The following DNAH12 variants were observed in gnomAD, a reference collection of about 807,000 sequenced individuals.
DNAH12 encodes axonemal beta dynein heavy chain 12.
DNAH12 carries 285 observed loss-of-function variants against 371.5 expected under a neutral mutation model. The ratio of observed to expected loss-of-function variants is 0.77; its 90% CI spans 0.70 to 0.85. DNAH12 has a LOEUF of 0.85. Ranked by LOEUF, DNAH12 falls within the 40% of genes least tolerant of loss-of-function variation. The probability of loss-of-function intolerance (pLI) is 0.00; values close to 1 mark genes in which losing one functional copy is unlikely to be tolerated. For synonymous variants in DNAH12, 1,200 were observed against 1,213.0 expected (o/e 0.99, Z 0.22); for missense variants, 3,611 against 3,689.4 (o/e 0.98, Z 0.55).
chr3:57,552,531 GC>G, the DNAH12 span, among the ~76,000 whole-genome samples: 2 of 149,492 alleles, frequency 1.3e-5, no homozygotes, highest in African/African-American at 4.9e-5. Context: ...CTTATGGAAA[GC>G]AAAACTAGCC....
At chr3:57,537,782 T>G (rs1411182122) in intron 2 of DNAH12, among the ~76,000 whole-genome samples, 1 of 151,746 alleles carries the variant, frequency 6.6e-6, no homozygotes. Flanking sequence ...CCTCCAGGGT[T>G]CAAGTGATTC....
rs756733435 is a variant in DNAH12 at position 57,310,741 on chromosome 3, A to T, written c.10872T>A (p.Tyr3624Ter). The part of the protein sequence containing the change: ...GNYFAPPKGT[Y>*]EDYIEFIKKL... ...CCTTAATGAATTCAATGTAGTCCTC[A>T]TAAGTGCCTTTAGGAGGTGCAAAAT... Residue 3624 changes from tyrosine to a stop codon, truncating the protein, a stop_gained, in exon 67 of 74, where the codon TAT (tyrosine) becomes TAA (stop). Coordinates refer to ENST00000495027, the MANE Select transcript of DNAH12 (RefSeq NM_001366028.2). LOFTEE classifies it high-confidence loss of function. 4.5e-6 allele frequency: 7 copies of T among 1,550,972 alleles called. No homozygotes were observed. In the South Asian group the frequency reaches 8.3e-5, roughly 18 times the overall value.
At chr3:57,354,868 T>A (rs1288379139) in intron 59 of DNAH12, among the ~76,000 whole-genome samples, 11 of 152,112 alleles carry the variant, frequency 7.2e-5, no homozygotes, top group African/African-American at 2.7e-4. Context: ...AAAAAGCCAA[T>A]CTCAAAACAT....
At chr3:57,365,247 G>C (rs1238865491) in intron 57 of DNAH12, among the ~76,000 whole-genome samples, 1 of 152,270 alleles carries the variant, frequency 6.6e-6, no homozygotes, top group South Asian at 2.1e-4. Context: ...AGAAAATGTG[G>C]TACATATACA....
chr3:57,493,001 T>C (rs1225932353), intron 11 of DNAH12, among the ~76,000 whole-genome samples: 2 of 89,048 alleles, frequency 2.2e-5, no homozygotes, highest in African/African-American at 5.2e-5. Context: ...CGAAACTCCA[T>C]CTCAAAACAA....
chr3:57,396,290 CAAAAAAA>C lies in DNAH12; in HGVS notation c.6949-1965_6949-1959del, dbSNP rs1159748997. Among the ~76,000 whole-genome samples, 10 of 68,756 alleles carry C rather than the reference CAAAAAAA, an allele frequency of 1.5e-4. No individual in the cohort carries two copies. The East Asian group carries it at 2.2e-3, about 15-fold the overall frequency. 45.1% of individuals were successfully genotyped at this position (68,756 alleles called of 152,430 possible). ...CAAGACTGCATCTCAAAAAAAAAAA[CAAAAAAA>C]AAAAAAAAAAAAAGAGAACCATAAA... On this transcript the variant is annotated intron_variant, in intron 43 of 73. Coordinates refer to ENST00000495027, the MANE Select transcript of DNAH12 (RefSeq NM_001366028.2).
At chr3:57,450,746 G>A (rs762686094) in intron 25 of DNAH12, among the ~76,000 whole-genome samples, 1 of 152,142 alleles carries the variant, frequency 6.6e-6, no homozygotes, top group Non-Finnish European at 1.5e-5. Flanking sequence ...CATAGTTCTT[G>A]CCCACAGGCA....
At chr3:57,376,358 C>T (rs1380379890) in intron 53 of DNAH12, among the ~76,000 whole-genome samples, 6 of 151,910 alleles carry the variant, frequency 3.9e-5, no homozygotes, top group Non-Finnish European at 8.8e-5. Context: ...AATTCATTAC[C>T]AAAAATTACA....
rs373397320 is a variant in DNAH12 at position 57,453,198 on chromosome 3, A to T, written c.3613+49T>A. ...ACATATAGTACAAGTCTTTGTTTCC[A>T]GATGCTATCAACATTTTATCTTTAA... On this transcript the variant is annotated intron_variant, in intron 24 of 73. Transcript: ENST00000495027. 5 of 1,497,652 alleles carry T rather than the reference A, an allele frequency of 3.3e-6. No individual in the cohort carries two copies. The East Asian group carries it at 1.2e-4, about 37-fold the overall frequency. 92.8% of individuals were successfully genotyped at this position (1,497,652 alleles called of 1,614,324 possible). A position where few individuals can be genotyped will look rare whatever the true frequency, so the allele number is the denominator to read the frequency against.
chr3:57,422,571 GGAA>G (rs892749405), intron 35 of DNAH12, among the ~76,000 whole-genome samples: 2 of 152,192 alleles, frequency 1.3e-5, no homozygotes, highest in African/African-American at 4.8e-5. Flanking sequence ...GGAAGGCCAA[GGAA>G]GAAGGATTGC....
At chr3:57,348,918 A>G (rs2062607414) in intron 60 of DNAH12, among the ~76,000 whole-genome samples, 1 of 152,218 alleles carries the variant, frequency 6.6e-6, no homozygotes, top group Non-Finnish European at 1.5e-5. Flanking sequence ...CAAGAATAAG[A>G]AAGACACTCT....
chr3:57,550,345 GAATA>G, the DNAH12 span, among the ~76,000 whole-genome samples: 59 of 151,810 alleles, frequency 3.9e-4, no homozygotes, highest in Non-Finnish European at 5.9e-4. Flanking sequence ...AACAAACAAT[GAATA>G]AATAAATATT....
chr3:57,312,952 ATTAAATGC>A (rs1366444035), intron 66 of DNAH12, among the ~76,000 whole-genome samples: 1 of 152,224 alleles, frequency 6.6e-6, no homozygotes, highest in Non-Finnish European at 1.5e-5. Flanking sequence ...TGTAAATATG[ATTAAATGC>A]TTATAGCCTT....
At chr3:57,328,498 CA>C (rs1246789588) in intron 62 of DNAH12, among the ~76,000 whole-genome samples, 3 of 148,464 alleles carry the variant, frequency 2.0e-5, no homozygotes, top group Non-Finnish European at 3.0e-5. Context: ...AGGCCTTTGA[CA>C]AAATTCAACA....
intron 34 of DNAH12, 50 bp downstream of exon 34, chr3:57,428,582 AG>A: frequency 6.6e-7 from 1 of 1,510,432 alleles, no homozygotes; most frequent in Non-Finnish European, 8.8e-7. Flanking sequence ...GACTTAGTCA[AG>A]TTGAATGGAA....
At chr3:57,442,995 T>C (rs2065356809) in intron 29 of DNAH12, among the ~76,000 whole-genome samples, 1 of 152,260 alleles carries the variant, frequency 6.6e-6, no homozygotes, top group South Asian at 2.1e-4. Context: ...ATCTTCACTG[T>C]ACATTTCACA....
chr3:57,351,201 G>A (rs1012431657), intron 60 of DNAH12, among the ~76,000 whole-genome samples: 3 of 151,878 alleles, frequency 2.0e-5, no homozygotes, highest in Non-Finnish European at 4.4e-5. Flanking sequence ...CCCGGGAGGC[G>A]GAGGTTGTGG....
At chr3:57,302,567 A>ATATATATATATTTTTTTTT (rs2061380979) in intron 69 of DNAH12, among the ~76,000 whole-genome samples, 4 of 27,482 alleles carry the variant, frequency 1.5e-4, no homozygotes, top group Non-Finnish European at 2.5e-4. Context: ...ATATATATGT[A>ATATATATATATTTTTTTTT]TTTTTTTTTT....
At chr3:57,375,634 G>T (rs1274132684) in intron 54 of DNAH12, 118 bp from the exon 55 acceptor site, 2 of 152,014 alleles carry the variant, frequency 1.3e-5, no homozygotes, top group Non-Finnish European at 2.9e-5. Flanking sequence ...GGAACAGAAA[G>T]AAAAGAAATT....
Sources: allele counts gnomAD v4.1 joint callset (sites outside exome capture counted in the v4.1 genomes callset), GRCh38; gene constraint gnomAD v4.1.1; transcripts MANE v1.5; gene names NCBI Gene and HGNC (gene_info 2026-07-23, HGNC 2026-07-21).